SH3PXD2B: variants seen among roughly 807,000 people sequenced by gnomAD.
SH3PXD2B encodes SH3 and PX domains 2B, also known as SH3 and PX domain-containing protein 2B.
A neutral mutation model predicts 73.1 loss-of-function variants in SH3PXD2B; 37 were observed. The ratio of observed to expected loss-of-function variants is 0.51; its 90% CI spans 0.39 to 0.67. SH3PXD2B has a LOEUF of 0.67. Ranked by LOEUF, SH3PXD2B falls within the 30% of genes least tolerant of loss-of-function variation. The pLI is 0.00. For synonymous variants in SH3PXD2B, 457 were observed against 480.5 expected (o/e 0.95, Z 0.64); for missense variants, 1,053 against 1,197.8 (o/e 0.88, Z 1.78).
intron 1 of SH3PXD2B, among the ~76,000 whole-genome samples, chr5:172,447,027 T>C (rs1217152998): frequency 2.0e-5 from 3 of 152,088 alleles, no homozygotes; most frequent in Admixed American, 6.5e-5. Context: ...GGAGAATCCT[T>C]TGGGACAGGA....
chr5:172,336,266 C>G lies in SH3PXD2B; in HGVS notation c.*2103G>C, dbSNP rs759124812. On this transcript the variant is annotated 3_prime_UTR_variant, in exon 13 of 13. Coordinates refer to ENST00000311601, the MANE Select transcript of SH3PXD2B (RefSeq NM_001017995.3). ...ATAGCTTCACAAAAGTTGTTTAAAC[C>G]AAAGTGGATCAAGAACTCAGGAAAA... 29 of 985,458 alleles carry G rather than the reference C, an allele frequency of 2.9e-5. No individual in the cohort carries two copies. Among genetic ancestry groups the G allele is most frequent in the Non-Finnish European group, 3.5e-5 (29 of 829,932 alleles). The allele number at this position is 985,458 out of a possible 1,614,324, so 61.0% of individuals were successfully genotyped here.
chr5:172,447,927 C>T (rs1287033715), intron 1 of SH3PXD2B, among the ~76,000 whole-genome samples: 1 of 151,926 alleles, frequency 6.6e-6, no homozygotes. Context: ...TTGACCAGGT[C>T]CCTAGCAGAG....
chr5:172,334,528 G>C lies in SH3PXD2B; in HGVS notation c.*3841C>G. The C allele has an allele frequency of 1.0e-6, 1 of 985,606 alleles. No homozygotes were observed. The highest frequency in any genetic ancestry group is 1.2e-6 in the Non-Finnish European group (1 of 830,064). The allele number at this position is 985,606 out of a possible 1,614,324, so 61.1% of individuals were successfully genotyped here. A position where few individuals can be genotyped will look rare whatever the true frequency, so the allele number is the denominator to read the frequency against. On this transcript the variant is annotated 3_prime_UTR_variant, in exon 13 of 13. Coordinates refer to ENST00000311601, the MANE Select transcript of SH3PXD2B (RefSeq NM_001017995.3). ...TGGACAACCCTTGGGGGATAAGACA[G>C]CCACACATGGCTCAGGCTGTTAGGT... is the stretch of plus-strand genomic sequence containing the variant.
chr5:172,386,279 G>C (rs1316509206), intron 4 of SH3PXD2B, among the ~76,000 whole-genome samples: 1 of 152,200 alleles, frequency 6.6e-6, no homozygotes, highest in East Asian at 1.9e-4. Context: ...TTAGCTGCTT[G>C]ATGGACACTG....
At chr5:172,453,422 C>CT (rs932341859) in intron 1 of SH3PXD2B, among the ~76,000 whole-genome samples, 37 of 152,272 alleles carry the variant, frequency 2.4e-4, no homozygotes, top group Non-Finnish European at 4.1e-4. Context: ...GTCCCAGGGC[C>CT]TCCTGAATCT....
chr5:172,385,904 G>A (rs2113380811), intron 4 of SH3PXD2B, among the ~76,000 whole-genome samples: 1 of 152,308 alleles, frequency 6.6e-6, no homozygotes, highest in South Asian at 2.1e-4. Context: ...CCCGGGGCTG[G>A]AGAAACCATT....
At chr5:172,362,668 C>T in intron 7 of SH3PXD2B, 67 bp downstream of exon 7, 2 of 1,612,436 alleles carry the variant, frequency 1.2e-6, no homozygotes, top group Admixed American at 3.3e-5. Context: ...TCTGAGTTTC[C>T]AAATGTTTCA....
At chr5:172,329,972 G>A (rs1756526150), downstream of SH3PXD2B, among the ~76,000 whole-genome samples, 1 of 152,182 alleles carries the variant, frequency 6.6e-6, no homozygotes, top group Non-Finnish European at 1.5e-5. Flanking sequence ...CCTGGTGGCT[G>A]TTTTCTGAAG....
chr5:172,347,506 T>C (rs746535890), intron 10 of SH3PXD2B, among the ~76,000 whole-genome samples, 174 bp from the exon 11 acceptor site: 13 of 152,114 alleles, frequency 8.5e-5, no homozygotes, highest in Non-Finnish European at 4.4e-5. Flanking sequence ...GCGTGGCTCA[T>C]AGTTGGCTCA....
intron 1 of SH3PXD2B, among the ~76,000 whole-genome samples, chr5:172,438,086 C>G (rs1391914910): frequency 6.6e-6 from 1 of 152,200 alleles, no homozygotes; most frequent in African/African-American, 2.4e-5. Flanking sequence ...GTGCAGTCTG[C>G]CCCTCCTCTG....
At chr5:172,420,619 A>G (rs1758940464) in intron 2 of SH3PXD2B, among the ~76,000 whole-genome samples, 1 of 152,208 alleles carries the variant, frequency 6.6e-6, no homozygotes, top group African/African-American at 2.4e-5. Flanking sequence ...TGTTCGCGGC[A>G]GTTTGTGAAA....
intron 11 of SH3PXD2B, 42 bp from the exon 12 acceptor site, chr5:172,346,303 A>G (rs893558437): frequency 1.9e-6 from 3 of 1,611,926 alleles, no homozygotes; most frequent in Non-Finnish European, 2.5e-6. Context: ...GGCTAAGTGC[A>G]CTCCTGCGAC....
intron 3 of SH3PXD2B, among the ~76,000 whole-genome samples, chr5:172,405,012 G>T (rs1277183246): frequency 1.3e-5 from 2 of 152,262 alleles, no homozygotes. Flanking sequence ...AGCAAACGAG[G>T]TAATGAAAGT....
chr5:172,383,085 T>A (rs542437753), intron 4 of SH3PXD2B, among the ~76,000 whole-genome samples: 13 of 152,308 alleles, frequency 8.5e-5, no homozygotes, highest in Non-Finnish European at 1.6e-4. Flanking sequence ...GATACTGGAT[T>A]TTGTACAGCT....
chr5:172,383,555 C>T (rs1410695426), intron 4 of SH3PXD2B, among the ~76,000 whole-genome samples: 1 of 152,196 alleles, frequency 6.6e-6, no homozygotes, highest in Non-Finnish European at 1.5e-5. Context: ...CTCCTTTGGC[C>T]CGGGCCCTGG....
chr5:172,406,344 C>T lies in SH3PXD2B; in HGVS notation c.165G>A (p.Met55Ile), dbSNP rs1354869972. Residue 55 changes from methionine to isoleucine, a missense_variant, in exon 3 of 13, where the codon ATG becomes ATA. This residue lies in a region of SH3PXD2B where 466 missense variants were observed against 607.1 expected (regional missense o/e 0.77). Coordinates refer to ENST00000311601, the MANE Select transcript of SH3PXD2B (RefSeq NM_001017995.3). ...YSKFFDLQMQ[M>I]LDKFPMEGGQ... Reference sequence around the variant, plus strand: ...CTCCTTCCATGGGAAATTTGTCCAACATCTGCATCTAAGTGGGGGGCGAAT... The same window carrying T: ...CTCCTTCCATGGGAAATTTGTCCAATATCTGCATCTAAGTGGGGGGCGAAT... 3.7e-6 allele frequency: 6 copies of T among 1,614,148 alleles called. No individual in the cohort carries two copies. The African/African-American group carries it at 5.3e-5, about 14-fold the overall frequency.
chr5:172,429,647 G>A (rs1472069878), intron 1 of SH3PXD2B, among the ~76,000 whole-genome samples: 1 of 152,142 alleles, frequency 6.6e-6, no homozygotes, highest in African/African-American at 2.4e-5. Flanking sequence ...GGTGGGGTGT[G>A]CTGAGCCAGG....
At chr5:172,391,809 A>T (rs564022464) in intron 4 of SH3PXD2B, among the ~76,000 whole-genome samples, 3 of 152,228 alleles carry the variant, frequency 2.0e-5, no homozygotes, top group Non-Finnish European at 4.4e-5. Flanking sequence ...GAAGTCTATA[A>T]GTCAATTAAA....
At position 172,333,709 on chromosome 5, in the gene SH3PXD2B, G is replaced by C. The variant is rs1364468508; in HGVS notation, c.*4660C>G. On this transcript the variant is annotated 3_prime_UTR_variant, in exon 13 of 13. Coordinates refer to ENST00000311601, the MANE Select transcript of SH3PXD2B (RefSeq NM_001017995.3). ...AATTTGCCAAGAGGGTAGAGTAAGT[G>C]TGGGGATCTCCAGCGTCATCCTATG... The C allele has an allele frequency of 7.8e-7, 1 of 1,289,384 alleles. No individual in the cohort carries two copies. Among genetic ancestry groups the C allele is most frequent in the African/African-American group, 1.5e-5 (1 of 65,864 alleles). The allele number at this position is 1,289,384 out of a possible 1,614,324, so 79.9% of individuals were successfully genotyped here.
Sources: gnomAD v4.1 joint callset for allele counts (sites outside exome capture counted in the v4.1 genomes callset) on GRCh38, gnomAD v4.1.1 for gene constraint, gnomAD v4.1.1 regional missense constraint, MANE v1.5 for transcripts, NCBI Gene and HGNC (gene_info 2026-07-23, HGNC 2026-07-21) for gene names.